Variants in HDAC4 observed in about 807,000 individuals in gnomAD.
HDAC4 encodes the protein histone deacetylase A.
A neutral mutation model predicts 135.1 loss-of-function variants in HDAC4; 16 were observed. The ratio of observed to expected loss-of-function variants is 0.12; its 90% CI spans 0.08 to 0.18. The LOEUF (loss-of-function observed/expected upper bound fraction) is 0.18. Ranked by LOEUF, HDAC4 falls within the 10% of genes least tolerant of loss-of-function variation. The pLI, the probability that HDAC4 is intolerant of heterozygous loss-of-function variation, is 1.00. For synonymous variants in HDAC4, 685 were observed against 653.4 expected (o/e 1.05, Z -0.74); for missense variants, 1,143 against 1,511.8 (o/e 0.76, Z 4.05).
At position 239,128,596 on chromosome 2, in the gene HDAC4, G is replaced by A. The variant is rs138708718; in HGVS notation, c.1295-1902C>T. Among the ~76,000 whole-genome samples the A allele has an allele frequency of 1.1e-3, 173 of 152,302 alleles. 2 individuals carry two copies. Among genetic ancestry groups the A allele is most frequent in the African/African-American group, 4.1e-3 (171 of 41,572 alleles). On this transcript the variant is annotated intron_variant, in intron 11 of 26. Transcript: ENST00000543185. ...GTTGACGTGTGTATTACGTGGGATT[G>A]AACTACTTCACGGAGGAAATAAGGA...
intron 24 of HDAC4, among the ~76,000 whole-genome samples, chr2:239,057,129 C>A (rs913807520): frequency 6.6e-6 from 1 of 152,168 alleles, no homozygotes; most frequent in Non-Finnish European, 1.5e-5. Flanking sequence ...ACAAACGACT[C>A]ATATCGAAGT....
intron 3 of HDAC4, among the ~76,000 whole-genome samples, chr2:239,194,592 C>T (rs973441523): frequency 6.6e-6 from 1 of 152,230 alleles, no homozygotes; most frequent in Non-Finnish European, 1.5e-5. Flanking sequence ...CCTGGCCCAG[C>T]ACTCCCCACT....
chr2:239,205,270 A>C (rs1012040841), intron 3 of HDAC4, among the ~76,000 whole-genome samples: 1 of 152,210 alleles, frequency 6.6e-6, no homozygotes, highest in Non-Finnish European at 1.5e-5. Context: ...CAGAAAGCAC[A>C]ACGATGCATG....
At chr2:239,219,658 A>G (rs2153118883) in intron 3 of HDAC4, among the ~76,000 whole-genome samples, 1 of 152,276 alleles carries the variant, frequency 6.6e-6, no homozygotes, top group East Asian at 1.9e-4. Context: ...TAAAATAAAA[A>G]CAAATCCAGT....
chr2:239,275,098 TA>T (rs2050276880), intron 2 of HDAC4, among the ~76,000 whole-genome samples: 1 of 152,186 alleles, frequency 6.6e-6, no homozygotes, highest in Non-Finnish European at 1.5e-5. Context: ...CACGCTACGC[TA>T]TCATTACCAT....
chr2:239,074,123 C>T (rs1224391721), intron 22 of HDAC4, among the ~76,000 whole-genome samples: 2 of 152,034 alleles, frequency 1.3e-5, no homozygotes, highest in Non-Finnish European at 2.9e-5. Flanking sequence ...CCGCCCTCTG[C>T]TTTCAACTGT....
chr2:239,076,724 T>C (rs2034805015), intron 22 of HDAC4, among the ~76,000 whole-genome samples: 2 of 152,216 alleles, frequency 1.3e-5, no homozygotes, highest in Admixed American at 1.3e-4. Flanking sequence ...AACTGGCTCC[T>C]CACTGGCTCT....
At chr2:239,393,291 A>T (rs769023792) in intron 1 of HDAC4, among the ~76,000 whole-genome samples, 1 of 152,238 alleles carries the variant, frequency 6.6e-6, no homozygotes, top group African/African-American at 2.4e-5. Flanking sequence ...GCCTCCACAA[A>T]GTTAGAACAA....
At chr2:239,244,080 G>C (rs776330919) in intron 2 of HDAC4, among the ~76,000 whole-genome samples, 7 of 152,176 alleles carry the variant, frequency 4.6e-5, no homozygotes, top group Non-Finnish European at 1.0e-4. Flanking sequence ...TCCAGGGACT[G>C]AGCTGCGTGA....
chr2:239,329,404 T>C (rs1691400834), intron 2 of HDAC4, among the ~76,000 whole-genome samples: 1 of 152,126 alleles, frequency 6.6e-6, no homozygotes, highest in African/African-American at 2.4e-5. Context: ...GTCATCTCAG[T>C]GAGACAGGCA....
At chr2:239,157,471 G>A (rs949242949) in intron 6 of HDAC4, among the ~76,000 whole-genome samples, 3 of 152,232 alleles carry the variant, frequency 2.0e-5, no homozygotes, top group East Asian at 1.9e-4. Context: ...CAGCAAGACA[G>A]GAATCGTCTG....
intron 2 of HDAC4, among the ~76,000 whole-genome samples, chr2:239,266,929 C>G (rs987951804): frequency 1.3e-5 from 2 of 152,172 alleles, no homozygotes; most frequent in African/African-American, 4.8e-5. Context: ...GCCCTAACCA[C>G]TGGAGGTCCC....
At chr2:239,289,859 C>A (rs2051361272) in intron 2 of HDAC4, among the ~76,000 whole-genome samples, 2 of 152,132 alleles carry the variant, frequency 1.3e-5, no homozygotes, top group African/African-American at 4.8e-5. Flanking sequence ...TCTGCATAAA[C>A]CCTCACTTCA....
At position 239,141,016 on chromosome 2, in the gene HDAC4, T is replaced by C. The variant is rs998781205; in HGVS notation, c.866-1220A>G. The stretch of plus-strand genomic sequence containing the variant: ...GGCAGACCTGATTCCAAACTTTGCC[T>C]TTATTAGCTCATCCATCTCTCAGTC... On this transcript the variant is annotated intron_variant, in intron 8 of 26. Transcript: ENST00000543185. The surrounding 1 kb of genome is among the most constrained non-coding windows in gnomAD (Gnocchi z 4.9). The C allele has an allele frequency of 1.4e-5, 5 of 362,662 alleles. No homozygotes were observed. Among genetic ancestry groups the C allele is most frequent in the Non-Finnish European group, 2.4e-5 (4 of 167,938 alleles). The allele number at this position is 362,662 out of a possible 1,614,324, so 22.5% of individuals were successfully genotyped here.
intron 2 of HDAC4, among the ~76,000 whole-genome samples, chr2:239,322,194 T>C (rs1426480756): frequency 1.3e-5 from 2 of 152,212 alleles, no homozygotes; most frequent in African/African-American, 4.8e-5. Flanking sequence ...AATCAGGGGC[T>C]GAAGTGAAAG....
At chr2:239,273,132 G>A (rs751263019) in intron 2 of HDAC4, among the ~76,000 whole-genome samples, 1 of 152,134 alleles carries the variant, frequency 6.6e-6, no homozygotes, top group Non-Finnish European at 1.5e-5. Flanking sequence ...GATAAATTCC[G>A]GGGACAGGAA....
At chr2:239,104,246 T>C (rs979480453) in intron 15 of HDAC4, among the ~76,000 whole-genome samples, 2 of 152,196 alleles carry the variant, frequency 1.3e-5, no homozygotes, top group Admixed American at 1.3e-4. Flanking sequence ...TTTATTTTTT[T>C]TGAAACGGAG....
intron 1 of HDAC4, among the ~76,000 whole-genome samples, chr2:239,397,239 G>C (rs1048397702): frequency 3.9e-5 from 6 of 152,226 alleles, no homozygotes; most frequent in African/African-American, 1.4e-4. Context: ...CTTTGGGACT[G>C]GAGATGCAGG....
chr2:239,084,008 C>T (rs1425355452), intron 20 of HDAC4, 147 bp downstream of exon 20: 2 of 699,150 alleles, frequency 2.9e-6, no homozygotes, highest in African/African-American at 1.8e-5. Flanking sequence ...AGGTTTGGGG[C>T]TTTACTTCTC....
Sources: allele counts gnomAD v4.1 joint callset (sites outside exome capture counted in the v4.1 genomes callset), GRCh38; gene constraint gnomAD v4.1.1; non-coding constraint Gnocchi (gnomAD v3.1); transcripts MANE v1.5; gene names NCBI Gene and HGNC (gene_info 2026-07-23, HGNC 2026-07-21).